Variants in SDK2 observed in about 807,000 individuals in gnomAD.
SDK2 encodes the protein sidekick cell adhesion molecule 2, also known as protein sidekick-2.
A neutral mutation model predicts 253.9 loss-of-function variants in SDK2; 105 were observed. The observed-to-expected ratio is 0.41, with a 90% CI of 0.35 to 0.49. SDK2 has a LOEUF of 0.49. SDK2 is among the 20% of genes least tolerant of loss of function. SDK2 has a pLI of 0.06. For missense variants in SDK2, 2,608 were observed against 3,003.0 expected (o/e 0.87, Z 3.07); for synonymous variants, 1,249 against 1,234.9 (o/e 1.01, Z -0.24).
intron 15 of SDK2, 53 bp downstream of exon 15, chr17:73,422,234 C>A: frequency 6.3e-7 from 1 of 1,598,242 alleles, no homozygotes; most frequent in Non-Finnish European, 8.5e-7. Context: ...TCGGCTGCAG[C>A]CCCTGCCTGT....
chr17:73,339,079 C>T (rs2062408910), intron 44 of SDK2, 139 bp from the exon 45 acceptor site: 1 of 751,528 alleles, frequency 1.3e-6, no homozygotes, highest in Non-Finnish European at 2.2e-6. Context: ...CCTCCCAGCC[C>T]CCTCACTGCC....
intron 20 of SDK2, 128 bp from the exon 21 acceptor site, chr17:73,401,339 A>G: frequency 1.1e-6 from 1 of 886,098 alleles, no homozygotes; most frequent in Non-Finnish European, 1.7e-6. Flanking sequence ...GGGCCAAGGG[A>G]GGTGGGAGCT....
Position 73,334,528 on chromosome 17 carries a change from AT to A in SDK2, c.*4058del, listed in dbSNP as rs973680060. The A allele has an allele frequency of 3.3e-5, 5 of 152,068 alleles. No individual in the cohort carries two copies. The highest frequency in any genetic ancestry group is 9.7e-5 in the African/African-American group (4 of 41,392). 9.4% of individuals were successfully genotyped at this position (152,068 alleles called of 1,614,324 possible). A position where few individuals can be genotyped will look rare whatever the true frequency, so the allele number is the denominator to read the frequency against. On this transcript the variant is annotated 3_prime_UTR_variant, in exon 45 of 45. Coordinates refer to ENST00000392650, the MANE Select transcript of SDK2 (RefSeq NM_001144952.2). ...CACGCTATATGACATAGAGATATAT[AT>A]TTTTTTCTTACAGACAGACACCTGC...
chr17:73,608,796 C>T (rs1296347769), intron 1 of SDK2, among the ~76,000 whole-genome samples: 1 of 152,060 alleles, frequency 6.6e-6, no homozygotes, highest in African/African-American at 2.4e-5. Context: ...CTAACAGCAG[C>T]CCACACTCAA....
intron 1 of SDK2, among the ~76,000 whole-genome samples, chr17:73,596,974 T>C (rs983783991): frequency 6.6e-6 from 1 of 152,144 alleles, no homozygotes; most frequent in Non-Finnish European, 1.5e-5. Flanking sequence ...GGGACTCTGG[T>C]CGGGAGTCCG....
rs777833906 is a variant in SDK2, at chr17:73,496,203, C to T, written c.224+11235G>A. 4.6e-5 allele frequency among the ~76,000 whole-genome samples: 7 copies of T among 152,176 alleles called. No homozygotes were observed. The highest frequency in any genetic ancestry group is 8.8e-5 in the Non-Finnish European group (6 of 68,036). ...ATTGATGGAGCCATCTGTGACCAGA[C>T]ACTCTTCTGCACGCTTCATCTTGCA... On this transcript the variant is annotated intron_variant, in intron 2 of 44. Transcript: ENST00000392650. This position sits in a 1 kb window ranked among gnomAD's most constrained non-coding sequence, Gnocchi z 4.7.
At chr17:73,384,586 ACTT>A (rs759563321) in intron 32 of SDK2, among the ~76,000 whole-genome samples, 1 of 152,196 alleles carries the variant, frequency 6.6e-6, no homozygotes, top group Non-Finnish European at 1.5e-5. Context: ...GGTGGAAACT[ACTT>A]CTTAATGATA....
chr17:73,553,932 T>TC lies in SDK2; in HGVS notation c.65-46336dup, dbSNP rs2045103759. On this transcript the variant is annotated intron_variant, in intron 1 of 44. Transcript: ENST00000392650. ...GGAGATACCTAGCAGCCCCAACACA[T>TC]CCCCCTGAAGCCCTGGCTTCTTCCC... 3.9e-5 allele frequency among the ~76,000 whole-genome samples: 6 copies of TC among 151,946 alleles called. No individual in the cohort carries two copies. The South Asian group carries it at 1.2e-3, about 32-fold the overall frequency.
intron 2 of SDK2, among the ~76,000 whole-genome samples, chr17:73,505,473 T>C (rs943860558): frequency 4.2e-5 from 6 of 143,944 alleles, no homozygotes; most frequent in Non-Finnish European, 7.8e-5. Flanking sequence ...ATCATCATTG[T>C]TATTGTCATC....
intron 1 of SDK2, among the ~76,000 whole-genome samples, chr17:73,558,693 T>C (rs1326096136): frequency 2.6e-5 from 4 of 151,990 alleles, no homozygotes; most frequent in South Asian, 2.1e-4. Context: ...TGAGATGGAG[T>C]GCCTTTCCCA....
In SDK2 at chr17:73,336,187, A is replaced by G. The variant is rs1253406060; in HGVS notation, c.*2400T>C. On this transcript the variant is annotated 3_prime_UTR_variant, in exon 45 of 45. Coordinates refer to ENST00000392650, the MANE Select transcript of SDK2 (RefSeq NM_001144952.2). ...AGGGATGAAGTTATTTAAAAAAAAAAAAAAAAAAAAGATGAGAGGAAAGAA... is the reference window on the plus strand; with the variant it reads ...AGGGATGAAGTTATTTAAAAAAAAAGAAAAAAAAAAGATGAGAGGAAAGAA... The G allele has an allele frequency of 6.6e-6, 1 of 151,776 alleles. No individual in the cohort carries two copies. Among genetic ancestry groups the G allele is most frequent in the Non-Finnish European group, 1.5e-5 (1 of 67,904 alleles). 9.4% of individuals were successfully genotyped at this position (151,776 alleles called of 1,614,324 possible). A position where few individuals can be genotyped will look rare whatever the true frequency, so the allele number is the denominator to read the frequency against.
chr17:73,539,920 G>A (rs2044838888), intron 1 of SDK2, among the ~76,000 whole-genome samples: 1 of 151,974 alleles, frequency 6.6e-6, no homozygotes, highest in African/African-American at 2.4e-5. Flanking sequence ...TCATGCAGCT[G>A]TGGGCCACGG....
rs1227852172 is a variant in SDK2 at position 73,483,689 on chromosome 17, ATATATATATATATATATATTTT to A, written c.225-11493_225-11472del. Among the ~76,000 whole-genome samples the A allele has an allele frequency of 9.3e-4, 63 of 67,778 alleles. 4 individuals carry two copies. The highest frequency in any genetic ancestry group is 3.4e-3 in the African/African-American group (57 of 16,650). The allele number at this position is 67,778 out of a possible 152,430, so 44.5% of individuals were successfully genotyped here. On this transcript the variant is annotated intron_variant, in intron 2 of 44. Transcript: ENST00000392650. ...TATATATATATATATATATTTATAT[ATATATATATATATATATATTTT>A]TTTTTTTTTTTAGTAGAGTTGGGGT...
Position 73,395,336 on chromosome 17 carries a change from C to T in SDK2, c.3411G>A (p.Lys1137=). Residue 1137 remains lysine (K), a synonymous_variant, in exon 25 of 45, where the codon AAG becomes AAA. Coordinates refer to ENST00000392650, the MANE Select transcript of SDK2 (RefSeq NM_001144952.2). This position sits in a 1 kb window ranked among gnomAD's most constrained non-coding sequence, Gnocchi z 4.3. Reference sequence around the variant, plus strand: ...TGCCATGCCCGTCTGACCGGCTGTACTTGATCTTATAGCCCACGGACTCAG... The same window carrying T: ...TGCCATGCCCGTCTGACCGGCTGTATTTGATCTTATAGCCCACGGACTCAG... ...GNPESVGYKI[K]YSRSDGHGKT... 6.2e-7 allele frequency: 1 copy of T among 1,614,018 alleles called. No individual in the cohort carries two copies. The highest frequency in any genetic ancestry group is 8.5e-7 in the Non-Finnish European group (1 of 1,179,894).
chr17:73,485,369 T>C (rs1170767742), intron 2 of SDK2, among the ~76,000 whole-genome samples: 1 of 152,092 alleles, frequency 6.6e-6, no homozygotes, highest in Non-Finnish European at 1.5e-5. Context: ...GCGTGATAAG[T>C]AGATGTCAGA....
chr17:73,568,808 C>CGTGAGGACCCCCCCCCCA (rs2045343407), intron 1 of SDK2, among the ~76,000 whole-genome samples: 1 of 152,070 alleles, frequency 6.6e-6, no homozygotes. Flanking sequence ...GTTAAACAGG[C>CGTGAGGACCCCCCCCCCA]GACTGCAGAA....
chr17:73,477,823 T>G (rs957230513), intron 2 of SDK2, among the ~76,000 whole-genome samples: 19 of 152,118 alleles, frequency 1.2e-4, no homozygotes, highest in Non-Finnish European at 1.5e-5. Context: ...AGCAGGAACC[T>G]GGCTCCTCCA....
chr17:73,553,640 C>T (rs1322340525), intron 1 of SDK2, among the ~76,000 whole-genome samples: 1 of 152,116 alleles, frequency 6.6e-6, no homozygotes, highest in Non-Finnish European at 1.5e-5. Context: ...AGCCTCCATC[C>T]CACCTGCAAT....
At chr17:73,599,722 C>T (rs1338950852) in intron 1 of SDK2, among the ~76,000 whole-genome samples, 1 of 152,114 alleles carries the variant, frequency 6.6e-6, no homozygotes, top group Admixed American at 6.5e-5. Context: ...ATTCCACCAC[C>T]CTAAGCCATT....
Sources: gnomAD v4.1 joint callset for allele counts (sites outside exome capture counted in the v4.1 genomes callset) on GRCh38, gnomAD v4.1.1 for gene constraint, Gnocchi (gnomAD v3.1) non-coding constraint, MANE v1.5 for transcripts, NCBI Gene and HGNC (gene_info 2026-07-23, HGNC 2026-07-21) for gene names.